The following PRKN variants were observed in gnomAD, a reference collection of about 807,000 sequenced individuals.
PRKN encodes the protein E3 ubiquitin-protein ligase parkin.
In PRKN, 56 loss-of-function variants were observed where a neutral mutation model predicts 59.5. The ratio of observed to expected loss-of-function variants is 0.94; its 90% CI spans 0.76 to 1.18. The LOEUF is 1.18. Among genes scored for constraint, PRKN ranks in the 50% most tolerant of loss-of-function variants. The pLI, the probability that PRKN is intolerant of heterozygous loss-of-function variation, is 0.00. For synonymous variants in PRKN, 250 were observed against 222.1 expected, an observed-to-expected ratio of 1.13 and a Z score of -1.12; for missense variants, 657 against 596.4, an observed-to-expected ratio of 1.10 and a Z score of -1.06.
chr6:162,288,949 G>C (rs753554851), intron 2 of PRKN, among the ~76,000 whole-genome samples: 1 of 152,098 alleles, frequency 6.6e-6, no homozygotes, highest in African/African-American at 2.4e-5. Context: ...TCACTTTAAG[G>C]CCATGTGAGA....
chr6:161,978,691 G>A (rs915779251), intron 5 of PRKN, among the ~76,000 whole-genome samples: 4 of 152,266 alleles, frequency 2.6e-5, no homozygotes, highest in African/African-American at 4.8e-5. Flanking sequence ...CTGCACCACT[G>A]TGAGGTCACT....
rs967039375 is a variant in PRKN at position 162,011,577 on chromosome 6, C to T, written c.619-38160G>A. Among the ~76,000 whole-genome samples, 253 of 133,176 alleles carry T rather than the reference C, an allele frequency of 1.9e-3. 1 individual carries two copies. The highest frequency in any genetic ancestry group is 7.1e-3 in the African/African-American group (249 of 35,276). 87.4% of individuals were successfully genotyped at this position (133,176 alleles called of 152,430 possible). A position where few individuals can be genotyped will look rare whatever the true frequency, so the allele number is the denominator to read the frequency against. Reference sequence around the variant, plus strand: ...AAGATTGGTTTGATATTTTTATTTTCTATTTTACTTTGTTTTGCAGTGCTA... The same window carrying T: ...AAGATTGGTTTGATATTTTTATTTTTTATTTTACTTTGTTTTGCAGTGCTA... On this transcript the variant is annotated intron_variant, in intron 5 of 11. Transcript: ENST00000366898.
intron 9 of PRKN, among the ~76,000 whole-genome samples, chr6:161,522,344 C>T (rs6929687): frequency 4.6e-5 from 7 of 152,132 alleles, no homozygotes; most frequent in East Asian, 1.9e-4. Context: ...TGAGGACAAG[C>T]GAGGCGATGG....
rs1318890762 is a variant in PRKN at position 162,320,253 on chromosome 6, C to T, written c.172-57488G>A. Among the ~76,000 whole-genome samples the T allele has an allele frequency of 3.4e-5, 5 of 149,086 alleles. No homozygotes were observed. The Admixed American group carries it at 3.4e-4, about 10-fold the overall frequency. ...GATTCCATATCTTTGCTATTATGAA[C>T]AGTGCTGCAATAAACACAAAGTGCA... On this transcript the variant is annotated intron_variant, in intron 2 of 11. Transcript: ENST00000366898.
intron 5 of PRKN, among the ~76,000 whole-genome samples, chr6:161,989,890 A>T (rs1781578368): frequency 6.6e-6 from 1 of 152,084 alleles, no homozygotes; most frequent in Admixed American, 6.5e-5. Flanking sequence ...GGGCCCACTC[A>T]GCCGGCTGCC....
At chr6:162,727,389 T>G in intron 1 of PRKN, 3 of 455,420 alleles carry the variant, frequency 6.6e-6, no homozygotes, top group East Asian at 4.0e-5. Context: ...GGAGCGGGGG[T>G]GCGGGGCCGC....
rs151072763 is a variant in PRKN, at chr6:162,488,064, A to G, written c.8-44591T>C. On this transcript the variant is annotated intron_variant, in intron 1 of 11. Transcript: ENST00000366898. ...TTTTTTTTTTTTTTGGCGGAGGGTT[A>G]AACACTCACTAATATTTAGGAATTA... is the stretch of plus-strand genomic sequence containing the variant. Among the ~76,000 whole-genome samples, 511 of 128,256 alleles carry G rather than the reference A, an allele frequency of 4.0e-3. 2 individuals are homozygous for G. Among genetic ancestry groups the G allele is most frequent in the Admixed American group, 6.1e-3 (66 of 10,780 alleles). 84.1% of individuals were successfully genotyped at this position (128,256 alleles called of 152,430 possible). A position where few individuals can be genotyped will look rare whatever the true frequency, so the allele number is the denominator to read the frequency against.
Position 162,309,368 on chromosome 6 carries a change from T to A in PRKN, c.172-46603A>T, listed in dbSNP as rs186006184. 1.3e-3 allele frequency among the ~76,000 whole-genome samples: 192 copies of A among 152,312 alleles called. 1 individual carries two copies. The highest frequency in any genetic ancestry group is 5.9e-3 in the Admixed American group (90 of 15,288). ...TTAGTAGAGATGGGGTTTTACCATG[T>A]TGGTCAGGCTGTTCTCGAACTCCTG... On this transcript the variant is annotated intron_variant, in intron 2 of 11. Coordinates refer to ENST00000366898, the MANE Select transcript of PRKN (RefSeq NM_004562.3).
In PRKN at chr6:161,399,588, T is replaced by C. The variant is rs1324609364; in HGVS notation, c.1084-12711A>G. Among the ~76,000 whole-genome samples, 3 of 152,106 alleles carry C rather than the reference T, an allele frequency of 2.0e-5. No homozygotes were observed. The highest frequency in any genetic ancestry group is 4.4e-5 in the Non-Finnish European group (3 of 68,018). Reference sequence around the variant, plus strand: ...ACTGATGAGCCATATGCCTGTTGCATGTCCTGCAACCGGGGTGGGTCAGGG... The same window carrying C: ...ACTGATGAGCCATATGCCTGTTGCACGTCCTGCAACCGGGGTGGGTCAGGG... On this transcript the variant is annotated intron_variant, in intron 9 of 11. Coordinates refer to ENST00000366898, the MANE Select transcript of PRKN (RefSeq NM_004562.3). The surrounding 1 kb of genome is among the most constrained non-coding windows in gnomAD (Gnocchi z 4.4).
chr6:162,496,787 G>T (rs1793083486), intron 1 of PRKN, among the ~76,000 whole-genome samples: 1 of 152,188 alleles, frequency 6.6e-6, no homozygotes, highest in Non-Finnish European at 1.5e-5. Flanking sequence ...AGACACTTTA[G>T]ACGCAATTGA....
At chr6:161,861,916 A>G (rs1036592634) in intron 6 of PRKN, among the ~76,000 whole-genome samples, 8 of 152,190 alleles carry the variant, frequency 5.3e-5, no homozygotes, top group Non-Finnish European at 8.8e-5. Context: ...ATCTCCTATC[A>G]AGGGGAGGCC....
At chr6:161,929,852 A>C (rs767116150) in intron 6 of PRKN, among the ~76,000 whole-genome samples, 3 of 152,154 alleles carry the variant, frequency 2.0e-5, no homozygotes, top group Non-Finnish European at 4.4e-5. Flanking sequence ...CACTTCCTAA[A>C]ATTATGAAGC....
chr6:161,497,293 G>C lies in PRKN; in HGVS notation c.1083+51561C>G, dbSNP rs145246999. Among the ~76,000 whole-genome samples the C allele has an allele frequency of 8.5e-5, 13 of 152,312 alleles. No homozygotes were observed. In the East Asian group the frequency reaches 2.5e-3, roughly 29 times the overall value. On this transcript the variant is annotated intron_variant, in intron 9 of 11. Transcript: ENST00000366898. The surrounding 1 kb of genome is among the most constrained non-coding windows in gnomAD (Gnocchi z 4.6). ...TTAGGACAACTTCCCAGGTAAGGGCGAGTGGAGGACAGGGTGTCCCCACTA... is the reference window on the plus strand; with the variant it reads ...TTAGGACAACTTCCCAGGTAAGGGCCAGTGGAGGACAGGGTGTCCCCACTA...
At chr6:162,425,517 G>A (rs573426229) in intron 2 of PRKN, among the ~76,000 whole-genome samples, 1 of 152,202 alleles carries the variant, frequency 6.6e-6, no homozygotes, top group South Asian at 2.1e-4. Flanking sequence ...TAAAACAAGA[G>A]CAGGATTCCA....
At chr6:161,842,548 C>T (rs1350356859) in intron 6 of PRKN, among the ~76,000 whole-genome samples, 3 of 151,662 alleles carry the variant, frequency 2.0e-5, no homozygotes, top group Non-Finnish European at 4.4e-5. Context: ...ACTGAGGACA[C>T]CTCTTCCTTC....
At chr6:161,685,585 T>G (rs556908501) in intron 7 of PRKN, among the ~76,000 whole-genome samples, 3 of 152,290 alleles carry the variant, frequency 2.0e-5, no homozygotes, top group South Asian at 4.1e-4. Context: ...GATTAAATAT[T>G]GATTTAAAAG....
chr6:161,550,732 TGTGCAC>T lies in PRKN; in HGVS notation c.934-1735_934-1730del, dbSNP rs1472755453. On this transcript the variant is annotated intron_variant, in intron 8 of 11. Transcript: ENST00000366898. This position sits in a 1 kb window ranked among gnomAD's most constrained non-coding sequence, Gnocchi z 4.0. ...TGGTAGAAGAAAGGGTATGTGTGTG[TGTGCAC>T]GTGTGTGTGTGTGTGTGTGTGTGTA... is the stretch of plus-strand genomic sequence containing the variant. Among the ~76,000 whole-genome samples the T allele has an allele frequency of 0.013, 1,565 of 117,222 alleles. 28 individuals are homozygous for T. Among genetic ancestry groups the T allele is most frequent in the African/African-American group, 0.047 (1,454 of 30,778 alleles). The allele number at this position is 117,222 out of a possible 152,430, so 76.9% of individuals were successfully genotyped here.
intron 6 of PRKN, among the ~76,000 whole-genome samples, chr6:161,824,778 A>G (rs1792172807): frequency 6.6e-6 from 1 of 152,246 alleles, no homozygotes; most frequent in African/African-American, 2.4e-5. Context: ...CCACATTGAA[A>G]AAAAGATTTA....
intron 7 of PRKN, among the ~76,000 whole-genome samples, chr6:161,686,502 AATCACAGAAAAAAT>A (rs1357103661): frequency 6.6e-6 from 1 of 152,218 alleles, no homozygotes; most frequent in Non-Finnish European, 1.5e-5. Context: ...AAAAACCATA[AATCACAGAAAAAAT>A]ATTATTAAGT....
Sources: allele counts gnomAD v4.1 joint callset (sites outside exome capture counted in the v4.1 genomes callset), GRCh38; gene constraint gnomAD v4.1.1; non-coding constraint Gnocchi (gnomAD v3.1); transcripts MANE v1.5; gene names NCBI Gene and HGNC (gene_info 2026-07-23, HGNC 2026-07-21).